Variants in ACOXL observed in about 807,000 individuals in gnomAD.
The protein encoded by ACOXL is acyl-coenzyme A oxidase-like protein.
Under a neutral mutation model 71.9 loss-of-function variants are expected in ACOXL, and 70 were observed. The observed-to-expected ratio is 0.97, with a 90% CI of 0.80 to 1.19. ACOXL has a LOEUF of 1.19. Among genes scored for constraint, ACOXL ranks in the 50% most tolerant of loss-of-function variants. ACOXL has a pLI of 0.00. For missense variants in ACOXL, 703 were observed against 736.3 expected, an observed-to-expected ratio of 0.95 and a Z score of 0.52; for synonymous variants, 253 against 281.6, an observed-to-expected ratio of 0.90 and a Z score of 1.02.
chr2:111,009,090 A>G (rs906151862), intron 14 of ACOXL, among the ~76,000 whole-genome samples: 1 of 152,208 alleles, frequency 6.6e-6, no homozygotes, highest in African/African-American at 2.4e-5. Context: ...ATTTTTTTAT[A>G]TAGTCAAATG....
chr2:110,834,040 T>G (rs1186999777), intron 9 of ACOXL, among the ~76,000 whole-genome samples: 1 of 152,204 alleles, frequency 6.6e-6, no homozygotes, highest in Non-Finnish European at 1.5e-5. Flanking sequence ...TGTCCCCAAA[T>G]CCACCTTGGA....
At chr2:111,072,278 A>G (rs1450213765) in intron 16 of ACOXL, among the ~76,000 whole-genome samples, 2 of 152,200 alleles carry the variant, frequency 1.3e-5, no homozygotes, top group Non-Finnish European at 2.9e-5. Flanking sequence ...CCAATGATCT[A>G]TTATTCTTCA....
intron 12 of ACOXL, among the ~76,000 whole-genome samples, chr2:110,960,384 C>T (rs2061656526): frequency 6.6e-6 from 1 of 152,218 alleles, no homozygotes; most frequent in Non-Finnish European, 1.5e-5. Flanking sequence ...TGGGCACACG[C>T]CGTGGTGCTG....
At chr2:110,789,017 G>C (rs780688502) in intron 3 of ACOXL, among the ~76,000 whole-genome samples, 2 of 152,198 alleles carry the variant, frequency 1.3e-5, no homozygotes, top group Admixed American at 6.5e-5. Context: ...GCTGTGCCCT[G>C]CATGTTCAAG....
chr2:110,981,028 TG>T (rs1242486817), intron 12 of ACOXL, among the ~76,000 whole-genome samples: 1 of 152,198 alleles, frequency 6.6e-6, no homozygotes, highest in Non-Finnish European at 1.5e-5. Flanking sequence ...ACACAGAGCC[TG>T]GCATATAGCA....
At position 110,801,804 on chromosome 2, in the gene ACOXL, C is replaced by T. The variant is rs1559281574; in HGVS notation, c.620+80C>T. 4.2e-6 allele frequency: 5 copies of T among 1,187,676 alleles called. No homozygotes were observed. In the East Asian group the frequency reaches 1.2e-4, roughly 28 times the overall value. 73.6% of individuals were successfully genotyped at this position (1,187,676 alleles called of 1,614,324 possible). A position where few individuals can be genotyped will look rare whatever the true frequency, so the allele number is the denominator to read the frequency against. ...CAAAGTTGGCTTGGGTCTTGGGTCT[C>T]ATGGGCTGCATGTCTGGGCATTCTT... On this transcript the variant is annotated intron_variant, in intron 8 of 17. Transcript: ENST00000439055.
chr2:110,896,970 T>C (rs1288247495), intron 10 of ACOXL, among the ~76,000 whole-genome samples: 1 of 151,952 alleles, frequency 6.6e-6, no homozygotes. Flanking sequence ...ATACACCATA[T>C]CTTATCCAGA....
At chr2:110,883,302 G>T (rs1696895786) in intron 10 of ACOXL, among the ~76,000 whole-genome samples, 1 of 151,866 alleles carries the variant, frequency 6.6e-6, no homozygotes, top group South Asian at 2.1e-4. Flanking sequence ...TGGAGACGGG[G>T]TTTCATCATG....
In ACOXL at chr2:110,781,414, G is replaced by A. The variant is rs1683313527; in HGVS notation, c.76-3318G>A. On this transcript the variant is annotated intron_variant, in intron 2 of 17. Transcript: ENST00000439055. ...CCCAGCACTTTGGGAGGTGGAGGCGGGCGGATCATGAGGTCAGGAGTTTGA... is the reference window on the plus strand; with the variant it reads ...CCCAGCACTTTGGGAGGTGGAGGCGAGCGGATCATGAGGTCAGGAGTTTGA... Among the ~76,000 whole-genome samples, 5 of 151,834 alleles carry A rather than the reference G, an allele frequency of 3.3e-5. No homozygotes were observed. In the South Asian group the frequency reaches 1.0e-3, roughly 31 times the overall value.
At chr2:110,834,506 G>A (rs558330034) in intron 9 of ACOXL, among the ~76,000 whole-genome samples, 36 of 152,360 alleles carry the variant, frequency 2.4e-4, no homozygotes, top group African/African-American at 8.7e-4. Context: ...AGTGAATTCA[G>A]CGGTTCCGGA....
intron 15 of ACOXL, among the ~76,000 whole-genome samples, chr2:111,048,332 G>A (rs1288224847): frequency 6.6e-6 from 1 of 152,246 alleles, no homozygotes; most frequent in South Asian, 2.1e-4. Context: ...AGGGTAAAGA[G>A]TGAACGCAGC....
intron 15 of ACOXL, among the ~76,000 whole-genome samples, chr2:111,037,359 G>GT (rs1423255079): frequency 1.3e-5 from 2 of 152,184 alleles, no homozygotes; most frequent in Non-Finnish European, 2.9e-5. Flanking sequence ...TTCTGAGGTG[G>GT]TTTTTTATCA....
chr2:110,877,025 G>A (rs141756681), intron 10 of ACOXL, among the ~76,000 whole-genome samples: 5 of 152,332 alleles, frequency 3.3e-5, no homozygotes, highest in African/African-American at 1.2e-4. Context: ...CAACCTCCCT[G>A]GGCTGTGCCT....
chr2:110,747,931 C>A (rs533899566), intron 1 of ACOXL, among the ~76,000 whole-genome samples: 1 of 152,278 alleles, frequency 6.6e-6, no homozygotes, highest in African/African-American at 2.4e-5. Flanking sequence ...ATATGCCCCT[C>A]TTATTGGCAT....
At chr2:110,747,853 T>G (rs1678422014) in intron 1 of ACOXL, among the ~76,000 whole-genome samples, 1 of 152,182 alleles carries the variant, frequency 6.6e-6, no homozygotes, top group Non-Finnish European at 1.5e-5. Flanking sequence ...TCTGCTCCCT[T>G]CCAGCCCTTT....
At chr2:110,750,848 C>T (rs898045749) in intron 1 of ACOXL, among the ~76,000 whole-genome samples, 2 of 151,784 alleles carry the variant, frequency 1.3e-5, no homozygotes, top group Non-Finnish European at 2.9e-5. Flanking sequence ...AGGTGCCCCA[C>T]TAATTTTTGT....
intron 2 of ACOXL, among the ~76,000 whole-genome samples, chr2:110,777,490 A>G (rs60357733): frequency 0.052 from 7,949 of 152,338 alleles, 328 homozygotes; most frequent in African/African-American, 0.11. Context: ...AAGCAGAGGC[A>G]GGATTCAAGC....
intron 14 of ACOXL, among the ~76,000 whole-genome samples, chr2:111,003,579 A>AAAAAAAT (rs1292631397): frequency 3.4e-5 from 5 of 146,772 alleles, no homozygotes; most frequent in Admixed American, 6.8e-5. Context: ...AAAAAAAAAA[A>AAAAAAAT]GAATCACAGA....
At chr2:110,886,765 C>T (rs1422480867) in intron 10 of ACOXL, 5 of 1,550,748 alleles carry the variant, frequency 3.2e-6, no homozygotes, top group Non-Finnish European at 2.6e-6. Context: ...TCTCACTTTT[C>T]TGTCCCTTTT....
Sources: allele counts gnomAD v4.1 joint callset (sites outside exome capture counted in the v4.1 genomes callset), GRCh38; gene constraint gnomAD v4.1.1; transcripts MANE v1.5; gene names NCBI Gene and HGNC (gene_info 2026-07-23, HGNC 2026-07-21).